The following EDDM13 variants were observed in gnomAD, a reference collection of about 807,000 sequenced individuals.
EDDM13 encodes epididymal protein 13.
A neutral mutation model predicts 17.8 loss-of-function variants in EDDM13; 24 were observed. The ratio of observed to expected loss-of-function variants is 1.35; its 90% CI spans 0.98 to 1.90. EDDM13 has a LOEUF of 1.90. Among genes scored for constraint, EDDM13 ranks in the 40% most tolerant of loss-of-function variants. The pLI is 0.00. For missense variants in EDDM13, 97 were observed against 100.8 expected (o/e 0.96, Z 0.16); for synonymous variants, 31 against 37.5 (o/e 0.83, Z 0.63).
intron 2 of EDDM13, among the ~76,000 whole-genome samples, chr19:56,276,707 T>C (rs2147012762): frequency 6.6e-6 from 1 of 151,926 alleles, no homozygotes; most frequent in Middle Eastern, 3.4e-3. Context: ...CCGGCTAATT[T>C]TGTATTTTCA....
At chr19:56,302,178 G>A (rs962481927) in intron 13 of EDDM13, 83 bp downstream of exon 13, 1 of 1,073,988 alleles carries the variant, frequency 9.3e-7, no homozygotes, top group African/African-American at 1.6e-5. Flanking sequence ...GGAAGCGAAG[G>A]AGGGTGCCTC....
rs11374260 is a variant in EDDM13 at position 56,284,513 on chromosome 19, AT to A, written c.127+328del. Among the ~76,000 whole-genome samples the A allele has an allele frequency of 7.0e-3, 824 of 118,306 alleles. 8 individuals are homozygous for A. The highest frequency in any genetic ancestry group is 0.034 in the East Asian group (148 of 4,308). The allele number at this position is 118,306 out of a possible 152,430, so 77.6% of individuals were successfully genotyped here. ...TTAGAGACAAGTGATGCTTGCTGTA[AT>A]TTTTTTTTTTTTTTTTTTTTGAGAC... On this transcript the variant is annotated intron_variant, in intron 5 of 14. Coordinates refer to ENST00000649256, the MANE Select transcript of EDDM13 (RefSeq NM_001354658.2).
chr19:56,275,760 C>T (rs2038201218), intron 1 of EDDM13, among the ~76,000 whole-genome samples: 2 of 152,200 alleles, frequency 1.3e-5, no homozygotes, highest in African/African-American at 4.8e-5. Context: ...ACCAGAACTT[C>T]TCTTCCCAAT....
At chr19:56,298,195 G>A (rs2040003813) in intron 12 of EDDM13, 2 of 152,108 alleles carry the variant, frequency 1.3e-5, no homozygotes, top group Admixed American at 1.3e-4. Context: ...TATTTGGAAG[G>A]AAGAAGAGAG....
At chr19:56,309,641 G>A (rs1267081652) in intron 14 of EDDM13, among the ~76,000 whole-genome samples, 1 of 152,212 alleles carries the variant, frequency 6.6e-6, no homozygotes, top group Non-Finnish European at 1.5e-5. Flanking sequence ...CAAACCTTAA[G>A]GTTCTCTTCC....
At chr19:56,302,581 C>CT (rs1555807484) in intron 13 of EDDM13, among the ~76,000 whole-genome samples, 1 of 39,990 alleles carries the variant, frequency 2.5e-5, no homozygotes, top group Non-Finnish European at 4.1e-5. Flanking sequence ...TTCTTCCTCC[C>CT]CCTTTTCTTC....
chr19:56,284,286 A>G (rs2038938077), intron 5 of EDDM13, 80 bp downstream of exon 5: 1 of 473,174 alleles, frequency 2.1e-6, no homozygotes. Context: ...AGAATGTACA[A>G]CTGGGTTAGA....
At chr19:56,278,980 A>G (rs1047924770) in intron 2 of EDDM13, among the ~76,000 whole-genome samples, 1 of 152,134 alleles carries the variant, frequency 6.6e-6, no homozygotes, top group Non-Finnish European at 1.5e-5. Flanking sequence ...CTTCCAACTC[A>G]CACCCCAATA....
Position 56,302,846 on chromosome 19 carries a change from G to A in EDDM13, c.423+751G>A, listed in dbSNP as rs183048610. The A allele has an allele frequency of 2.7e-3, 1,088 of 398,660 alleles. 3 individuals are homozygous for A. Among genetic ancestry groups the A allele is most frequent in the Non-Finnish European group, 3.8e-3 (852 of 226,178 alleles). The allele number at this position is 398,660 out of a possible 1,614,324, so 24.7% of individuals were successfully genotyped here. A position where few individuals can be genotyped will look rare whatever the true frequency, so the allele number is the denominator to read the frequency against. ...CTGTCTCTTGTTCTTTCTAAGGGAC[G>A]TTCATAAGGACCAAGCCTGTTGCTG... On this transcript the variant is annotated intron_variant, in intron 13 of 14. Transcript: ENST00000649256.
At chr19:56,273,090 T>C (rs2037971811) in intron 1 of EDDM13, among the ~76,000 whole-genome samples, 171 bp downstream of exon 1, 1 of 152,164 alleles carries the variant, frequency 6.6e-6, no homozygotes, top group African/African-American at 2.4e-5. Context: ...TGAGTCTAGG[T>C]TGCTAGCCCC....
chr19:56,287,522 GC>G (rs1381476199), intron 6 of EDDM13, among the ~76,000 whole-genome samples: 18 of 151,878 alleles, frequency 1.2e-4, no homozygotes, highest in Middle Eastern at 3.2e-3. Context: ...ATAAATATCA[GC>G]CCTCTGTGCA....
At chr19:56,297,561 T>C (rs1384623939) in intron 12 of EDDM13, 30 bp downstream of exon 12, 2 of 979,606 alleles carry the variant, frequency 2.0e-6, no homozygotes, top group Non-Finnish European at 2.4e-6. Flanking sequence ...CCATTCCTCA[T>C]CTATAAGACA....
chr19:56,302,584 T>TC, intron 13 of EDDM13, among the ~76,000 whole-genome samples: 4 of 37,202 alleles, frequency 1.1e-4, no homozygotes, highest in South Asian at 2.5e-3. Flanking sequence ...TTCCTCCCCC[T>TC]TTTCTTCCTC....
intron 1 of EDDM13, among the ~76,000 whole-genome samples, chr19:56,273,927 G>A (rs1197130794): frequency 3.3e-5 from 5 of 152,164 alleles, no homozygotes; most frequent in African/African-American, 9.7e-5. Context: ...AGGAAAGAAT[G>A]GATTAGGTGG....
chr19:56,288,717 G>A (rs2039308115), intron 7 of EDDM13, among the ~76,000 whole-genome samples, 157 bp from the exon 8 acceptor site: 1 of 152,124 alleles, frequency 6.6e-6, no homozygotes, highest in Non-Finnish European at 1.5e-5. Flanking sequence ...TGAGTGAATT[G>A]GGTTGCCTCA....
chr19:56,286,630 T>C (rs1003488747), intron 6 of EDDM13: 6 of 152,344 alleles, frequency 3.9e-5, no homozygotes, highest in African/African-American at 1.2e-4. Flanking sequence ...TGTGTGAAGG[T>C]TGTTCCCGCT....
chr19:56,289,081 T>C (rs1275794226), intron 8 of EDDM13, among the ~76,000 whole-genome samples, 190 bp downstream of exon 8: 1 of 152,128 alleles, frequency 6.6e-6, no homozygotes, highest in African/African-American at 2.4e-5. Context: ...CTGGTAAATG[T>C]CTAACAACCA....
At chr19:56,302,435 CCTTCCTTT>C (rs1476654049) in intron 13 of EDDM13, among the ~76,000 whole-genome samples, 2 of 108,872 alleles carry the variant, frequency 1.8e-5, no homozygotes, top group South Asian at 3.1e-4. Flanking sequence ...TTTCTCCCTT[CCTTCCTTT>C]CTTCCTCTCT....
chr19:56,305,096 C>T (rs994347001), intron 14 of EDDM13, among the ~76,000 whole-genome samples: 1 of 152,172 alleles, frequency 6.6e-6, no homozygotes, highest in Non-Finnish European at 1.5e-5. Flanking sequence ...AATTTTTTCA[C>T]AAGTCTTAGG....
Sources: gnomAD v4.1 joint callset for allele counts (sites outside exome capture counted in the v4.1 genomes callset) on GRCh38, gnomAD v4.1.1 for gene constraint, MANE v1.5 for transcripts, NCBI Gene and HGNC (gene_info 2026-07-23, HGNC 2026-07-21) for gene names.